IQSEC1: variants seen among roughly 807,000 people sequenced by gnomAD.
The protein encoded by IQSEC1 is IQ motif and SEC7 domain-containing protein 1.
Under a neutral mutation model 91.0 loss-of-function variants are expected in IQSEC1, and 31 were observed. That is an observed-to-expected ratio of 0.34 (90% CI 0.26 to 0.46). IQSEC1 has a LOEUF of 0.46. IQSEC1 is among the 20% of genes least tolerant of loss of function. IQSEC1 has a pLI of 1.00. For missense variants in IQSEC1, 1,388 were observed against 1,575.6 expected, an observed-to-expected ratio of 0.88 and a Z score of 2.02; for synonymous variants, 699 against 662.6, an observed-to-expected ratio of 1.05 and a Z score of -0.84.
In IQSEC1 at chr3:12,970,522, C is replaced by T. The variant is rs982901859; in HGVS notation, c.24-28657G>A. On this transcript the variant is annotated intron_variant, in intron 1 of 13. Transcript: ENST00000613206. The surrounding 1 kb of genome is among the most constrained non-coding windows in gnomAD (Gnocchi z 4.4). ...CCTCCAGCCAGATGTGTGGCACTCTCCCAAAGCCCAGCCTTTGCAGCCCCT... is the reference window on the plus strand; with the variant it reads ...CCTCCAGCCAGATGTGTGGCACTCTTCCAAAGCCCAGCCTTTGCAGCCCCT... Among the ~76,000 whole-genome samples the T allele has an allele frequency of 1.1e-4, 17 of 152,176 alleles. No homozygotes were observed. Among genetic ancestry groups the T allele is most frequent in the African/African-American group, 3.6e-4 (15 of 41,428 alleles).
chr3:12,974,126 G>A (rs886581679), intron 1 of IQSEC1, among the ~76,000 whole-genome samples: 6 of 152,184 alleles, frequency 3.9e-5, no homozygotes, highest in Non-Finnish European at 8.8e-5. Flanking sequence ...AGTGTCCCCC[G>A]CAAGGAGAAA....
intron 3 of IQSEC1, among the ~76,000 whole-genome samples, chr3:12,925,396 T>C (rs2125218617): frequency 6.6e-6 from 1 of 152,330 alleles, no homozygotes; most frequent in East Asian, 1.9e-4. Flanking sequence ...TTACCTGCGG[T>C]GCTCAGGAGC....
intron 1 of IQSEC1, among the ~76,000 whole-genome samples, chr3:13,070,937 G>A (rs1372626990): frequency 6.6e-6 from 1 of 152,238 alleles, no homozygotes; most frequent in Non-Finnish European, 1.5e-5. Flanking sequence ...ACTCTCCAGG[G>A]AAGAGTATTG....
At chr3:13,018,320 G>A (rs1326648459) in intron 1 of IQSEC1, among the ~76,000 whole-genome samples, 1 of 152,194 alleles carries the variant, frequency 6.6e-6, no homozygotes, top group Non-Finnish European at 1.5e-5. Flanking sequence ...CGGCCCTCCT[G>A]CCCAGATGCA....
chr3:13,270,165 A>C (rs1354336151), intron 1 of IQSEC1, among the ~76,000 whole-genome samples: 2 of 152,190 alleles, frequency 1.3e-5, no homozygotes, highest in Non-Finnish European at 2.9e-5. Flanking sequence ...TTCCATTAAA[A>C]ACATAGGGAA....
chr3:13,252,718 G>A, intron 1 of IQSEC1, among the ~76,000 whole-genome samples: 1 of 117,406 alleles, frequency 8.5e-6, no homozygotes, highest in South Asian at 2.4e-4. Flanking sequence ...TATTATCTAT[G>A]TTTTTTTTTG....
chr3:12,902,012 G>T (rs969724815), intron 13 of IQSEC1, among the ~76,000 whole-genome samples: 2 of 151,970 alleles, frequency 1.3e-5, no homozygotes, highest in South Asian at 4.2e-4. Context: ...TGGGTCCTGA[G>T]GTCTCGGGGG....
intron 2 of IQSEC1, among the ~76,000 whole-genome samples, chr3:13,094,254 G>A (rs143995376): frequency 6.6e-6 from 1 of 152,278 alleles, no homozygotes; most frequent in African/African-American, 2.4e-5. Flanking sequence ...TCATGGAAGA[G>A]GCAGGGACTG....
intron 1 of IQSEC1, among the ~76,000 whole-genome samples, chr3:13,201,136 G>C (rs1184026261): frequency 6.6e-6 from 1 of 152,126 alleles, no homozygotes; most frequent in African/African-American, 2.4e-5. Flanking sequence ...TCTGCAGCAG[G>C]GGGAGCTGGT....
chr3:13,246,580 T>C (rs551109700), intron 1 of IQSEC1, among the ~76,000 whole-genome samples: 28 of 152,232 alleles, frequency 1.8e-4, no homozygotes, highest in South Asian at 1.0e-3. Context: ...AAAGGAAATA[T>C]AGCTACGAAA....
chr3:13,068,017 G>A (rs1446220823), intron 1 of IQSEC1, among the ~76,000 whole-genome samples: 1 of 152,226 alleles, frequency 6.6e-6, no homozygotes, highest in Non-Finnish European at 1.5e-5. Context: ...TGGCCCGCAG[G>A]CAAACCCTGG....
intron 1 of IQSEC1, among the ~76,000 whole-genome samples, chr3:13,208,121 G>A (rs74515443): frequency 0.051 from 7,685 of 150,830 alleles, 250 homozygotes; most frequent in Middle Eastern, 0.078. Flanking sequence ...GGGTGGGTGG[G>A]TGGCCAGACA....
At chr3:13,256,027 A>G (rs1695279809) in intron 1 of IQSEC1, among the ~76,000 whole-genome samples, 1 of 152,216 alleles carries the variant, frequency 6.6e-6, no homozygotes. Flanking sequence ...ACAAAGAGTG[A>G]AGTGGTCCAA....
At chr3:13,003,788 C>A (rs1443440320) in intron 1 of IQSEC1, among the ~76,000 whole-genome samples, 2 of 152,196 alleles carry the variant, frequency 1.3e-5, no homozygotes, top group Admixed American at 6.5e-5. Context: ...CCATGTTAAA[C>A]TTCCTGAATT....
intron 1 of IQSEC1, chr3:13,015,729 CA>C: frequency 1.0e-6 from 1 of 985,430 alleles, no homozygotes; most frequent in Non-Finnish European, 1.2e-6. Context: ...AAACCACACC[CA>C]GGGGAGAGGG....
chr3:13,040,655 C>T (rs1704226525), intron 1 of IQSEC1, among the ~76,000 whole-genome samples: 1 of 152,242 alleles, frequency 6.6e-6, no homozygotes, highest in Non-Finnish European at 1.5e-5. Context: ...GCCCCAGCCC[C>T]TGGTACCCCT....
chr3:13,079,390 G>C (rs1705614260), intron 2 of IQSEC1, among the ~76,000 whole-genome samples: 2 of 152,270 alleles, frequency 1.3e-5, no homozygotes, highest in African/African-American at 4.8e-5. Context: ...GAAGGGAGCA[G>C]CATGCCTTGG....
At chr3:13,163,670 C>T (rs958326361) in intron 2 of IQSEC1, among the ~76,000 whole-genome samples, 1 of 152,178 alleles carries the variant, frequency 6.6e-6, no homozygotes, top group African/African-American at 2.4e-5. Flanking sequence ...TGGAGACACC[C>T]CTGCATTGTT....
At chr3:12,985,891 A>T (rs1177885622) in intron 1 of IQSEC1, among the ~76,000 whole-genome samples, 1 of 152,202 alleles carries the variant, frequency 6.6e-6, no homozygotes, top group East Asian at 1.9e-4. Context: ...CCCATACATA[A>T]ATGGCCCAGG....
Sources: allele counts gnomAD v4.1 joint callset (sites outside exome capture counted in the v4.1 genomes callset), GRCh38; gene constraint gnomAD v4.1.1; non-coding constraint Gnocchi (gnomAD v3.1); transcripts MANE v1.5; gene names NCBI Gene and HGNC (gene_info 2026-07-23, HGNC 2026-07-21).